Variants in MAGT1 observed in about 807,000 individuals in gnomAD.
The protein encoded by MAGT1 is magnesium transporter 1, also known as dolichyl-diphosphooligosaccharide--protein glycosyltransferase subunit MAGT1.
MAGT1 carries 4 observed loss-of-function variants against 28.4 expected under a neutral mutation model. The observed-to-expected ratio is 0.14, with a 90% confidence interval of 0.07 to 0.32. The LOEUF is 0.32. MAGT1 is among the 10% of genes least tolerant of loss of function. The pLI is 1.00. For synonymous variants in MAGT1, 89 were observed against 89.7 expected, an observed-to-expected ratio of 0.99 and a Z score of 0.04; for missense variants, 193 against 264.5, an observed-to-expected ratio of 0.73 and a Z score of 1.88.
chrX:77,841,445 C>A (rs1007211300), intron 7 of MAGT1, 125 bp from the exon 8 acceptor site: 9 of 500,825 alleles, frequency 1.8e-5, no homozygotes, highest in Admixed American at 3.2e-5. Context: ...TTATAAAAAA[C>A]CAAAATAAGG....
chrX:77,836,714 G>A (rs1386499015), intron 8 of MAGT1, among the ~76,000 whole-genome samples: 1 of 110,563 alleles, frequency 9.0e-6, no homozygotes, highest in Non-Finnish European at 1.9e-5. Flanking sequence ...GACCAGCCTG[G>A]ACAATGTAGC....
intron 7 of MAGT1, among the ~76,000 whole-genome samples, chrX:77,852,521 AT>A (rs2076971336): frequency 2.7e-5 from 3 of 111,784 alleles, no homozygotes; most frequent in Non-Finnish European, 5.6e-5. Context: ...CTTTATACTT[AT>A]TTGTATTCTA....
chrX:77,833,730 T>A (rs1287673544), intron 8 of MAGT1, among the ~76,000 whole-genome samples: 3 of 112,023 alleles, frequency 2.7e-5, no homozygotes, highest in Non-Finnish European at 5.6e-5. Flanking sequence ...ATCTATAGAT[T>A]CAATGCAATC....
At position 77,841,297 on chromosome X, in the gene MAGT1, C is replaced by A. The variant is rs2076934048; in HGVS notation, c.850G>T (p.Val284Leu). The A allele has an allele frequency of 8.3e-7, 1 of 1,202,355 alleles. No individual in the cohort carries two copies. The highest frequency in any genetic ancestry group is 1.8e-5 in the African/African-American group (1 of 56,921). ...LFNGGVTLGM[V>L]LLCEAATSDM... ...GAGGTAGCAGCTTCACATAAAAGCA[C>A]CATTCCTAAGGTAACTCCACCATCT... The change falls in exon 8 of 10, where the codon GTG (valine) becomes TTG (leucine). Residue 284 changes from valine to leucine, a missense_variant. Transcript: ENST00000618282.
At chrX:77,884,651 G>A (rs1458903038) in intron 1 of MAGT1, among the ~76,000 whole-genome samples, 1 of 109,837 alleles carries the variant, frequency 9.1e-6, no homozygotes, top group Non-Finnish European at 1.9e-5. Context: ...GTAGGATGTT[G>A]AATAGCAACC....
intron 8 of MAGT1, 144 bp downstream of exon 8, chrX:77,841,098 TTTAA>T (rs1338285756): frequency 2.4e-6 from 1 of 408,459 alleles, no homozygotes; most frequent in African/African-American, 2.5e-5. Context: ...AGTAAAGGAG[TTTAA>T]TAACAGATAT....
intron 3 of MAGT1, among the ~76,000 whole-genome samples, chrX:77,865,114 T>C (rs370553525): frequency 1.8e-5 from 2 of 111,744 alleles, no homozygotes; most frequent in East Asian, 5.6e-4. Flanking sequence ...GATTTTGATT[T>C]GTGGAGATGG....
intron 8 of MAGT1, among the ~76,000 whole-genome samples, chrX:77,831,689 C>T (rs1173670260): frequency 9.2e-6 from 1 of 108,282 alleles, no homozygotes; most frequent in Non-Finnish European, 1.9e-5. Flanking sequence ...ACCTCCTGGG[C>T]TCAAGCAATC....
chrX:77,862,212 T>C (rs1467509333), intron 3 of MAGT1, among the ~76,000 whole-genome samples: 3 of 111,426 alleles, frequency 2.7e-5, no homozygotes, highest in Non-Finnish European at 5.6e-5. Flanking sequence ...TAGAGAAAGA[T>C]TTGAATCTCT....
At chrX:77,861,757 G>A (rs1377638508) in intron 3 of MAGT1, among the ~76,000 whole-genome samples, 1 of 112,024 alleles carries the variant, frequency 8.9e-6, no homozygotes, top group African/African-American at 3.2e-5. Context: ...CTATAACATG[G>A]ATGAACATTG....
intron 8 of MAGT1, among the ~76,000 whole-genome samples, chrX:77,839,653 G>A (rs1244943795): frequency 1.8e-5 from 2 of 108,977 alleles, no homozygotes; most frequent in Non-Finnish European, 3.8e-5. Flanking sequence ...GATTACACAC[G>A]CACGCCACCA....
intron 8 of MAGT1, chrX:77,837,441 G>A (rs782806335): frequency 9.0e-6 from 1 of 110,562 alleles, no homozygotes; most frequent in South Asian, 3.8e-4. Context: ...TTTCTAACAC[G>A]TAAAAATTCA....
chrX:77,880,597 A>C (rs916702423), intron 1 of MAGT1, among the ~76,000 whole-genome samples: 9 of 110,776 alleles, frequency 8.1e-5, no homozygotes, highest in African/African-American at 3.0e-4. Context: ...CACAAAAAGA[A>C]TATGCCACAC....
chrX:77,840,273 A>C (rs1557214284), intron 8 of MAGT1, among the ~76,000 whole-genome samples: 2 of 106,341 alleles, frequency 1.9e-5, no homozygotes, highest in South Asian at 4.3e-4. Context: ...AAAAAACCCC[A>C]AAAAACAAAA....
At chrX:77,861,222 T>C (rs898979527) in intron 3 of MAGT1, among the ~76,000 whole-genome samples, 1 of 108,765 alleles carries the variant, frequency 9.2e-6, no homozygotes, top group African/African-American at 3.3e-5. Context: ...GGCAAAGAAC[T>C]TGACATTTCT....
intron 2 of MAGT1, 29 bp from the exon 3 acceptor site, chrX:77,870,954 C>T (rs1196793243): frequency 5.7e-6 from 6 of 1,043,680 alleles, no homozygotes; most frequent in Non-Finnish European, 8.1e-6. Context: ...GTAAAGATAA[C>T]ATATAAAACA....
In MAGT1 at chrX:77,855,511, G is replaced by A. The variant is rs2076979290; in HGVS notation, c.752C>T (p.Thr251Met). 2.5e-6 allele frequency: 3 copies of A among 1,197,298 alleles called. No homozygotes were observed. Among genetic ancestry groups the A allele is most frequent in the Non-Finnish European group, 3.4e-6 (3 of 882,920 alleles). ...GPPYAHKNPHTGHVNYIHGSS... is the reference protein window; with the variant it reads ...GPPYAHKNPHMGHVNYIHGSS... ...CCAGACTTCCCTTACCACATGTCCCGTGTGGGGATTCTTATGGGCATATGG... is the reference window on the plus strand; with the variant it reads ...CCAGACTTCCCTTACCACATGTCCCATGTGGGGATTCTTATGGGCATATGG... The change falls in exon 6 of 10, where the codon ACG becomes ATG. Residue 251 changes from threonine (T) to methionine (M), a missense_variant. Transcript: ENST00000618282.
chrX:77,836,576 G>A (rs1430470457), intron 8 of MAGT1, among the ~76,000 whole-genome samples: 13 of 112,137 alleles, frequency 1.2e-4, no homozygotes, highest in African/African-American at 3.9e-4. Context: ...CACATGCTGA[G>A]TGTAGACAAG....
chrX:77,860,689 C>T (rs1035575698), intron 3 of MAGT1, among the ~76,000 whole-genome samples: 8 of 110,640 alleles, frequency 7.2e-5, no homozygotes, highest in Admixed American at 5.7e-4. Flanking sequence ...GGCTGAGACA[C>T]GAGAATTGCT....
Sources: gnomAD v4.1 joint callset for allele counts (sites outside exome capture counted in the v4.1 genomes callset) on GRCh38, gnomAD v4.1.1 for gene constraint, MANE v1.5 for transcripts, NCBI Gene and HGNC (gene_info 2026-07-23, HGNC 2026-07-21) for gene names.